The following ZNF83 variants were observed in gnomAD, a reference collection of about 807,000 sequenced individuals.
ZNF83 encodes the protein zinc finger protein 816B.
For synonymous variants in ZNF83, 209 were observed against 213.0 expected, an observed-to-expected ratio of 0.98 and a Z score of 0.17; for missense variants, 552 against 629.9, an observed-to-expected ratio of 0.88 and a Z score of 1.32.
At chr19:52,627,903 GA>G (rs1333727294) in intron 2 of ZNF83, among the ~76,000 whole-genome samples, 8 of 152,178 alleles carry the variant, frequency 5.3e-5, no homozygotes, top group African/African-American at 1.9e-4. Flanking sequence ...CAAAAGAAGT[GA>G]AAATGGCCTG....
rs374616835 is a variant in ZNF83, at chr19:52,643,693, CTCTG to C, written c.-73-8544_-73-8541del. Among the ~76,000 whole-genome samples, 567 of 150,654 alleles carry C rather than the reference CTCTG, an allele frequency of 3.8e-3. 8 individuals carry two copies. Among genetic ancestry groups the C allele is most frequent in the African/African-American group, 0.013 (542 of 41,106 alleles). On this transcript the variant is annotated intron_variant, in intron 3 of 5. Transcript: ENST00000594682. ...TCCAGCCTGGGTGACAAGAGCAAAA[CTCTG>C]TCTTAAAAAAGAAAAAAAAAAAATT...
At chr19:52,620,443 G>A (rs1265732192) in intron 2 of ZNF83, among the ~76,000 whole-genome samples, 5 of 152,250 alleles carry the variant, frequency 3.3e-5, no homozygotes, top group African/African-American at 1.2e-4. Context: ...CTTCCCTGGA[G>A]GAATCCTCAG....
exon 3 of ZNF83, chr19:52,655,671 C>T (rs3745105): frequency 0.47 from 580,435 of 1,223,828 alleles, 142,483 homozygotes; most frequent in East Asian, 0.74. Context: ...AGCCACATCC[C>T]TGAAAGTCAA....
intron 3 of ZNF83, chr19:52,652,697 T>C: frequency 1.6e-6 from 1 of 634,220 alleles, no homozygotes; most frequent in Non-Finnish European, 2.9e-6. Context: ...GTAGCATTAC[T>C]GAGGACTTTG....
In ZNF83 at chr19:52,648,620, A is replaced by G. The variant is rs546358275; in HGVS notation, c.-74+6941T>C. ...AGAATCCAACTTCTCTAAGACTCAT[A>G]CAATATAAGCCCTATACTGTAATCT... is the stretch of plus-strand genomic sequence containing the variant. On this transcript the variant is annotated intron_variant, in intron 3 of 5. Transcript: ENST00000594682. Among the ~76,000 whole-genome samples, 10 of 152,184 alleles carry G rather than the reference A, an allele frequency of 6.6e-5. No homozygotes were observed. The South Asian group carries it at 1.2e-3, about 19-fold the overall frequency.
intron 1 of ZNF83, among the ~76,000 whole-genome samples, chr19:52,667,854 A>G (rs1390685832): frequency 6.6e-6 from 1 of 152,244 alleles, no homozygotes; most frequent in Non-Finnish European, 1.5e-5. Context: ...TAAGTTTAAC[A>G]TTAATAAAAC....
chr19:52,612,968 T>C (rs768473445), exon 3 of ZNF83: 3 of 1,476,764 alleles, frequency 2.0e-6, no homozygotes, highest in Non-Finnish European at 2.7e-6. Context: ...GTATAAATTA[T>C]TGTATGTCTT....
At chr19:52,656,009 G>A (rs527531827) in intron 2 of ZNF83, among the ~76,000 whole-genome samples, 8 of 152,072 alleles carry the variant, frequency 5.3e-5, no homozygotes, top group South Asian at 4.2e-4. Context: ...TCAGGAGTTC[G>A]AGACCACCCA....
chr19:52,680,447 A>G (rs1163943614), intron 1 of ZNF83, among the ~76,000 whole-genome samples: 1 of 152,110 alleles, frequency 6.6e-6, no homozygotes, highest in East Asian at 1.9e-4. Context: ...ACATTTCCAC[A>G]AAACATCATG....
At chr19:52,677,869 T>C (rs984689267) in intron 1 of ZNF83, among the ~76,000 whole-genome samples, 3 of 151,500 alleles carry the variant, frequency 2.0e-5, no homozygotes, top group African/African-American at 7.3e-5. Context: ...CCATCTCTAC[T>C]AAAAAAATAC....
chr19:52,680,526 G>A (rs1326441750), intron 1 of ZNF83, among the ~76,000 whole-genome samples: 2 of 151,114 alleles, frequency 1.3e-5, no homozygotes, highest in African/African-American at 4.9e-5. Flanking sequence ...ATCAAAGACT[G>A]TGTTCTGACA....
intron 2 of ZNF83, among the ~76,000 whole-genome samples, chr19:52,633,116 G>T (rs2061027129): frequency 6.6e-6 from 1 of 152,174 alleles, no homozygotes; most frequent in African/African-American, 2.4e-5. Flanking sequence ...CAGATGGCCT[G>T]TTCCTGCCTT....
chr19:52,616,275 A>G (rs1460943077), intron 2 of ZNF83, among the ~76,000 whole-genome samples: 2 of 152,264 alleles, frequency 1.3e-5, no homozygotes, highest in Non-Finnish European at 2.9e-5. Flanking sequence ...ACCAATTTAC[A>G]CTGCAAGTAA....
rs532672136 is a variant in ZNF83 at position 52,630,119 on chromosome 19, CTG to C, written c.-234+4945_-234+4946del. On this transcript the variant is annotated intron_variant, in intron 2 of 2. Coordinates refer to ENST00000301096, the Ensembl canonical transcript of ZNF83. ...GGATTCCTCCTAAGCCGTGTCCCAT[CTG>C]TGTGGGACCCCACTGAAAATCGGAC... Among the ~76,000 whole-genome samples, 902 of 152,330 alleles carry C rather than the reference CTG, an allele frequency of 5.9e-3. 9 individuals carry two copies. Among genetic ancestry groups the C allele is most frequent in the Non-Finnish European group, 9.2e-3 (626 of 68,028 alleles).
rs145011862 is a variant in ZNF83 at position 52,669,072 on chromosome 19, T to C, written c.-282-8229A>G. On this transcript the variant is annotated intron_variant, in intron 1 of 5. Coordinates refer to the ZNF83 transcript ENST00000594682. ...TTTCAAAAGTTTACCAATCAGCCAC[T>C]CTTTATTCATCCCTGAGCAGATGCA... 2.8e-3 allele frequency among the ~76,000 whole-genome samples: 422 copies of C among 152,302 alleles called. 3 individuals carry two copies. Among genetic ancestry groups the C allele is most frequent in the Non-Finnish European group, 4.0e-3 (272 of 68,034 alleles).
At chr19:52,680,471 T>A (rs564082641) in intron 1 of ZNF83, among the ~76,000 whole-genome samples, 1 of 152,258 alleles carries the variant, frequency 6.6e-6, no homozygotes, top group East Asian at 1.9e-4. Context: ...GAGTCAGTTA[T>A]CACCTTCCCA....
intron 1 of ZNF83, among the ~76,000 whole-genome samples, chr19:52,685,530 C>G (rs1361624332): frequency 6.6e-6 from 1 of 151,990 alleles, no homozygotes. Flanking sequence ...TGTGAACACA[C>G]AGTAATTGAC....
At chr19:52,689,474 C>A (rs2062106953) in intron 1 of ZNF83, among the ~76,000 whole-genome samples, 1 of 152,094 alleles carries the variant, frequency 6.6e-6, no homozygotes, top group Admixed American at 6.6e-5. Context: ...ACCAGCACCA[C>A]TCTGCTCTGT....
chr19:52,612,968 T>TTGTA (rs1568520883), exon 3 of ZNF83: 1 of 1,476,764 alleles, frequency 6.8e-7, no homozygotes, highest in Non-Finnish European at 9.1e-7. Context: ...GTATAAATTA[T>TTGTA]TGTATGTCTT....
Sources: gnomAD v4.1 joint callset for allele counts (sites outside exome capture counted in the v4.1 genomes callset) on GRCh38, gnomAD v4.1.1 for gene constraint, MANE v1.5 for transcripts, NCBI Gene and HGNC (gene_info 2026-07-23, HGNC 2026-07-21) for gene names.